The following PRDM10 variants were observed in gnomAD, a reference collection of about 807,000 sequenced individuals.
PRDM10 encodes the protein PR/SET domain 10.
Under a neutral mutation model 133.1 loss-of-function variants are expected in PRDM10, and 65 were observed. The ratio of observed to expected loss-of-function variants is 0.49; its 90% CI spans 0.40 to 0.60. PRDM10 has a LOEUF of 0.60. PRDM10 is among the 20% of genes least tolerant of loss of function. The pLI is 0.00. For missense variants in PRDM10, 1,137 were observed against 1,507.1 expected, an observed-to-expected ratio of 0.75 and a Z score of 4.07; for synonymous variants, 582 against 580.4, an observed-to-expected ratio of 1.00 and a Z score of -0.04.
chr11:129,902,707 A>T (rs1017036014), intron 20 of PRDM10, among the ~76,000 whole-genome samples, 191 bp from the exon 21 acceptor site: 1 of 152,190 alleles, frequency 6.6e-6, no homozygotes, highest in Non-Finnish European at 1.5e-5. Context: ...AAGCTCCTTA[A>T]AGGAGCACCT....
rs12275633 is a variant in PRDM10, at chr11:129,902,414, G to A, written c.3370C>T (p.Leu1124=). The A allele has an allele frequency of 0.013, 21,630 of 1,614,066 alleles. 2,596 individuals are homozygous for A. The African/African-American group carries it at 0.25, about 19-fold the overall frequency. Residue 1124 remains leucine, a synonymous_variant, in exon 21 of 21, where the codon CTG becomes TTG. Transcript: ENST00000360871. ...TGTTGGCTGTTGGTCTGGGGGTCCA[G>A]GGAGTCACTGTGTGCAGGTGGCTCG... ...QVEPPAHSDS[L]DPQTNSQQQT...
intron 1 of PRDM10, among the ~76,000 whole-genome samples, chr11:129,981,307 TAA>T (rs1032268346): frequency 3.9e-5 from 6 of 152,036 alleles, no homozygotes; most frequent in Admixed American, 3.3e-4. Context: ...AAATAAAAAG[TAA>T]AAGTTACCCT....
At chr11:129,984,959 G>A (rs924241018) in intron 1 of PRDM10, among the ~76,000 whole-genome samples, 6 of 152,220 alleles carry the variant, frequency 3.9e-5, no homozygotes, top group South Asian at 4.1e-4. Flanking sequence ...CCTTTCTCAT[G>A]GGATTCTGCT....
intron 8 of PRDM10, among the ~76,000 whole-genome samples, chr11:129,936,064 T>G (rs1478096144): frequency 2.0e-5 from 3 of 152,136 alleles, no homozygotes; most frequent in Non-Finnish European, 4.4e-5. Flanking sequence ...GAGCTGGCAG[T>G]CAAGCTTGAT....
At chr11:129,940,882 G>A (rs1176067683) in intron 7 of PRDM10, among the ~76,000 whole-genome samples, 1 of 152,088 alleles carries the variant, frequency 6.6e-6, no homozygotes, top group African/African-American at 2.4e-5. Context: ...TTGTTCATTA[G>A]ACTGAACTGT....
Position 129,947,113 on chromosome 11 carries a change from C to A in PRDM10, c.520+32G>T. On this transcript the variant is annotated intron_variant, in intron 5 of 20. Transcript: ENST00000360871. The surrounding 1 kb of genome is among the most constrained non-coding windows in gnomAD (Gnocchi z 4.6). Reference sequence around the variant, plus strand: ...ACACAGACACACAAGATGGACACAGCTTCCCTGGGGGAGACCCGTGCCCAC... The same window carrying A: ...ACACAGACACACAAGATGGACACAGATTCCCTGGGGGAGACCCGTGCCCAC... The A allele has an allele frequency of 6.2e-7, 1 of 1,608,556 alleles. No individual in the cohort carries two copies. The highest frequency in any genetic ancestry group is 8.5e-7 in the Non-Finnish European group (1 of 1,176,740).
chr11:129,974,638 G>A (rs1222132769), intron 1 of PRDM10, among the ~76,000 whole-genome samples: 3 of 152,180 alleles, frequency 2.0e-5, no homozygotes, highest in African/African-American at 4.8e-5. Context: ...CTCCTGAGTT[G>A]AAATCCACTC....
At chr11:129,993,657 T>C (rs1378608934) in intron 1 of PRDM10, among the ~76,000 whole-genome samples, 5 of 152,164 alleles carry the variant, frequency 3.3e-5, no homozygotes, top group Admixed American at 3.3e-4. Context: ...GCTAACTTTT[T>C]GTATTTTTAG....
At chr11:129,981,695 A>G (rs1338433581) in intron 1 of PRDM10, among the ~76,000 whole-genome samples, 1 of 152,072 alleles carries the variant, frequency 6.6e-6, no homozygotes, top group South Asian at 2.1e-4. Flanking sequence ...CAGGAGTTCA[A>G]GACCAACCTG....
At chr11:130,001,853 G>C (rs1939405512) in intron 1 of PRDM10, among the ~76,000 whole-genome samples, 1 of 151,942 alleles carries the variant, frequency 6.6e-6, no homozygotes, top group African/African-American at 2.4e-5. Context: ...AGGCGGACTG[G>C]GGCAGGGCCG....
In PRDM10 at chr11:129,915,649, A is replaced by G; in HGVS notation, c.2526+11T>C. ...GTTTTGACCTTAGCTTTAGTCAGAA[A>G]CTCCCCCTACCTTGCTGCTGTACTG... On this transcript the variant is annotated intron_variant, in intron 16 of 20. Coordinates refer to ENST00000360871, the MANE Select transcript of PRDM10 (RefSeq NM_199437.2). 1 of 1,554,822 alleles carries G rather than the reference A, an allele frequency of 6.4e-7. No homozygotes were observed. The highest frequency in any genetic ancestry group is 8.7e-7 in the Non-Finnish European group (1 of 1,151,198).
chr11:129,999,326 AAG>A (rs1939221914), intron 1 of PRDM10, among the ~76,000 whole-genome samples: 1 of 152,192 alleles, frequency 6.6e-6, no homozygotes, highest in Admixed American at 6.5e-5. Context: ...TCATTCTCCA[AAG>A]ATTTGGTTGT....
chr11:129,996,641 A>AGGAGAGGAGGGGAAGGAGAGC (rs1939077819), intron 1 of PRDM10, among the ~76,000 whole-genome samples: 1 of 152,170 alleles, frequency 6.6e-6, no homozygotes, highest in Admixed American at 6.5e-5. Context: ...GGGCAGAACT[A>AGGAGAGGAGGGGAAGGAGAGC]GGAGAGGAGG....
chr11:129,941,609 A>G (rs143089181), intron 7 of PRDM10, among the ~76,000 whole-genome samples: 4 of 152,358 alleles, frequency 2.6e-5, no homozygotes, highest in African/African-American at 9.6e-5. Context: ...CGATGGTGTG[A>G]GAGTGAGATG....
chr11:129,928,614 C>T (rs986114585), intron 11 of PRDM10, among the ~76,000 whole-genome samples: 13 of 152,116 alleles, frequency 8.5e-5, no homozygotes, highest in African/African-American at 2.7e-4. Flanking sequence ...AGGTTGGTCT[C>T]GAACTCCTGG....
At chr11:129,941,781 C>T (rs1951215509) in intron 7 of PRDM10, among the ~76,000 whole-genome samples, 1 of 152,242 alleles carries the variant, frequency 6.6e-6, no homozygotes, top group East Asian at 1.9e-4. Context: ...GTTCTGATCA[C>T]ATTTAAGGCA....
At position 129,900,501 on chromosome 11, in the gene PRDM10, T is replaced by C. The variant is rs1373327993; in HGVS notation, c.*1812A>G. The C allele has an allele frequency of 1.3e-5, 2 of 152,608 alleles. No homozygotes were observed. The highest frequency in any genetic ancestry group is 4.8e-5 in the African/African-American group (2 of 41,446). The allele number at this position is 152,608 out of a possible 1,614,324, so 9.5% of individuals were successfully genotyped here. On this transcript the variant is annotated 3_prime_UTR_variant, in exon 21 of 21. Coordinates refer to ENST00000360871, the MANE Select transcript of PRDM10 (RefSeq NM_199437.2). The stretch of plus-strand genomic sequence containing the variant: ...TGATTCTTTTCAGTTTTCCAATAAG[T>C]TATTCCTGAAGGGAGGGGAGATACC...
chr11:129,993,811 T>A (rs1315262061), intron 1 of PRDM10, among the ~76,000 whole-genome samples: 2 of 152,192 alleles, frequency 1.3e-5, no homozygotes, highest in Non-Finnish European at 2.9e-5. Flanking sequence ...TTATAACTCT[T>A]CTTGATCTCT....
At chr11:129,909,339 A>G (rs1271922462) in intron 19 of PRDM10, among the ~76,000 whole-genome samples, 1 of 151,730 alleles carries the variant, frequency 6.6e-6, no homozygotes, top group Non-Finnish European at 1.5e-5. Flanking sequence ...AATCCCAGCT[A>G]CTCAAGAGGC....
Sources: allele counts gnomAD v4.1 joint callset (sites outside exome capture counted in the v4.1 genomes callset), GRCh38; gene constraint gnomAD v4.1.1; non-coding constraint Gnocchi (gnomAD v3.1); transcripts MANE v1.5; gene names NCBI Gene and HGNC (gene_info 2026-07-23, HGNC 2026-07-21).